The following RAP1GDS1 variants were observed in gnomAD, a reference collection of about 807,000 sequenced individuals.
The protein encoded by RAP1GDS1 is Rap1 GTPase-GDP dissociation stimulator 1.
In RAP1GDS1, 35 loss-of-function variants were observed where a neutral mutation model predicts 71.1. That is an observed-to-expected ratio of 0.49 (90% confidence interval 0.38 to 0.65). RAP1GDS1 has a LOEUF of 0.65. RAP1GDS1 is among the 30% of genes least tolerant of loss of function. RAP1GDS1 has a pLI of 0.00. For synonymous variants in RAP1GDS1, 229 were observed against 243.1 expected, an observed-to-expected ratio of 0.94 and a Z score of 0.54; for missense variants, 663 against 706.1, an observed-to-expected ratio of 0.94 and a Z score of 0.69.
chr4:98,400,528 TAAA>T (rs774732053), intron 6 of RAP1GDS1, among the ~76,000 whole-genome samples: 19 of 74,342 alleles, frequency 2.6e-4, no homozygotes, highest in African/African-American at 6.2e-4. Context: ...TTTATAGAAG[TAAA>T]AAAAAAAAAA....
At chr4:98,401,094 G>T (rs1219863724) in intron 6 of RAP1GDS1, among the ~76,000 whole-genome samples, 1 of 152,188 alleles carries the variant, frequency 6.6e-6, no homozygotes, top group Admixed American at 6.5e-5. Flanking sequence ...TTACAGTGAT[G>T]TTATCGTCCC....
At chr4:98,420,274 A>G (rs1019537398) in intron 11 of RAP1GDS1, 130 bp downstream of exon 11, 9 of 944,348 alleles carry the variant, frequency 9.5e-6, no homozygotes, top group Middle Eastern at 4.0e-4. Context: ...AAGATTTAAA[A>G]GTTGGTTTTG....
chr4:98,364,545 C>T lies in RAP1GDS1; in HGVS notation c.361+11944C>T, dbSNP rs370109468. ...GCTTCAGTGTGAATAATTCTGAGCA[C>T]GCAGGTTTTGGAATATGTTTTAAGG... On this transcript the variant is annotated intron_variant, in intron 4 of 14. Coordinates refer to ENST00000408927, the MANE Select transcript of RAP1GDS1 (RefSeq NM_001100427.2). Among the ~76,000 whole-genome samples, 13 of 152,124 alleles carry T rather than the reference C, an allele frequency of 8.5e-5. No individual in the cohort carries two copies. In the South Asian group the frequency reaches 1.0e-3, roughly 12 times the overall value.
At chr4:98,419,169 C>T (rs1458393895) in intron 10 of RAP1GDS1, among the ~76,000 whole-genome samples, 1 of 152,188 alleles carries the variant, frequency 6.6e-6, no homozygotes, top group East Asian at 1.9e-4. Context: ...TATCCTCCCA[C>T]CTCAGCCTCC....
At chr4:98,275,823 C>G (rs1210059103) in intron 1 of RAP1GDS1, among the ~76,000 whole-genome samples, 1 of 152,100 alleles carries the variant, frequency 6.6e-6, no homozygotes, top group Non-Finnish European at 1.5e-5. Flanking sequence ...GTTTTAGCAA[C>G]TCTACTACTT....
intron 4 of RAP1GDS1, among the ~76,000 whole-genome samples, chr4:98,357,509 T>C (rs1283669787): frequency 3.3e-5 from 5 of 151,962 alleles, no homozygotes; most frequent in Non-Finnish European, 5.9e-5. Context: ...TTGAAGTAGA[T>C]GTTGTTTTGT....
intron 12 of RAP1GDS1, among the ~76,000 whole-genome samples, chr4:98,431,933 AT>A (rs893486468): frequency 2.9e-4 from 43 of 149,422 alleles, no homozygotes; most frequent in East Asian, 1.2e-3. Flanking sequence ...GAGGGCAGGA[AT>A]TTTTTTTTTT....
At chr4:98,374,206 G>T (rs1188306468) in intron 4 of RAP1GDS1, among the ~76,000 whole-genome samples, 2 of 152,102 alleles carry the variant, frequency 1.3e-5, no homozygotes, top group South Asian at 4.1e-4. Context: ...ACTCCCACTT[G>T]TTTAGTTTGT....
At chr4:98,373,071 T>C (rs1369724988) in intron 4 of RAP1GDS1, among the ~76,000 whole-genome samples, 2 of 152,216 alleles carry the variant, frequency 1.3e-5, no homozygotes, top group East Asian at 3.8e-4. Context: ...TTCAGTGCAC[T>C]ACATTCTTTG....
intron 6 of RAP1GDS1, among the ~76,000 whole-genome samples, chr4:98,401,181 T>C (rs1476541045): frequency 6.6e-6 from 1 of 152,072 alleles, no homozygotes; most frequent in Non-Finnish European, 1.5e-5. Flanking sequence ...CTTAGGAGAG[T>C]TCTTACAGGA....
chr4:98,329,994 A>T (rs1457267884), intron 2 of RAP1GDS1, among the ~76,000 whole-genome samples: 1 of 152,036 alleles, frequency 6.6e-6, no homozygotes, highest in Non-Finnish European at 1.5e-5. Flanking sequence ...TGGCAGGGTC[A>T]TAGGACAATA....
intron 7 of RAP1GDS1, among the ~76,000 whole-genome samples, chr4:98,411,621 ATAACTT>A (rs1747071278): frequency 6.6e-6 from 1 of 152,212 alleles, no homozygotes; most frequent in Admixed American, 6.5e-5. Context: ...AAAATAACCT[ATAACTT>A]TCCTTGCAGT....
At chr4:98,298,690 G>A (rs918736608) in intron 2 of RAP1GDS1, among the ~76,000 whole-genome samples, 2 of 152,084 alleles carry the variant, frequency 1.3e-5, no homozygotes, top group Admixed American at 6.5e-5. Context: ...GAGCTCTGAC[G>A]TACATGGAGA....
At chr4:98,325,478 T>A (rs1732870267) in intron 2 of RAP1GDS1, among the ~76,000 whole-genome samples, 1 of 151,944 alleles carries the variant, frequency 6.6e-6, no homozygotes, top group Non-Finnish European at 1.5e-5. Context: ...CACATGTATG[T>A]TTATTGTGGC....
At chr4:98,398,404 A>T (rs1744869846) in intron 6 of RAP1GDS1, among the ~76,000 whole-genome samples, 1 of 152,184 alleles carries the variant, frequency 6.6e-6, no homozygotes, top group Admixed American at 6.5e-5. Context: ...AAATACACCC[A>T]GACCATAGCG....
At chr4:98,364,122 G>A (rs555083965) in intron 4 of RAP1GDS1, among the ~76,000 whole-genome samples, 69 of 152,136 alleles carry the variant, frequency 4.5e-4, no homozygotes, top group Admixed American at 9.8e-4. Flanking sequence ...GCACATAGGC[G>A]ATTTCTATAT....
intron 3 of RAP1GDS1, among the ~76,000 whole-genome samples, chr4:98,350,753 A>C (rs1432593383): frequency 6.6e-6 from 1 of 152,082 alleles, no homozygotes; most frequent in African/African-American, 2.4e-5. Context: ...CAGAAGAATC[A>C]TTTGAACCCA....
At chr4:98,361,416 C>T (rs986336010) in intron 4 of RAP1GDS1, among the ~76,000 whole-genome samples, 13 of 151,822 alleles carry the variant, frequency 8.6e-5, no homozygotes, top group Non-Finnish European at 1.6e-4. Flanking sequence ...AGTTAAATGA[C>T]TTTATAATTT....
chr4:98,284,487 A>G (rs1013427049), intron 1 of RAP1GDS1, among the ~76,000 whole-genome samples: 1 of 152,214 alleles, frequency 6.6e-6, no homozygotes, highest in Admixed American at 6.5e-5. Flanking sequence ...TTATTGTACT[A>G]TTTTAACCAA....
Sources: allele counts gnomAD v4.1 joint callset (sites outside exome capture counted in the v4.1 genomes callset), GRCh38; gene constraint gnomAD v4.1.1; transcripts MANE v1.5; gene names NCBI Gene and HGNC (gene_info 2026-07-23, HGNC 2026-07-21).